The following EDNRA variants were observed in gnomAD, a reference collection of about 807,000 sequenced individuals.
EDNRA encodes the protein endothelin receptor type A, also known as endothelin-1 receptor.
In EDNRA, 11 loss-of-function variants were observed where a neutral mutation model predicts 41.4. That is an observed-to-expected ratio of 0.27 (90% CI 0.17 to 0.44). The LOEUF is 0.44. Among genes scored for constraint, EDNRA ranks in the 20% least tolerant of loss-of-function variants. The pLI, the probability that EDNRA is intolerant of heterozygous loss-of-function variation, is 1.00. For missense variants in EDNRA, 294 were observed against 531.0 expected, an observed-to-expected ratio of 0.55 and a Z score of 4.39; for synonymous variants, 172 against 183.0, an observed-to-expected ratio of 0.94 and a Z score of 0.49.
chr4:147,485,729 A>G lies in EDNRA; in HGVS notation c.48A>G (p.Gly16=). The G allele has an allele frequency of 6.2e-7, 1 of 1,613,874 alleles. No homozygotes were observed. Among genetic ancestry groups the G allele is most frequent in the Non-Finnish European group, 8.5e-7 (1 of 1,179,860 alleles). The change falls in exon 2 of 8, where the codon GGA becomes GGG. Residue 16 remains glycine, a synonymous_variant. Coordinates refer to ENST00000651419, the MANE Select transcript of EDNRA (RefSeq NM_001957.4). The stretch of plus-strand genomic sequence containing the variant: ...CATCCTTTTGGCTGGCACTGGTTGG[A>G]TGTGTAATCAGTGATAATCCTGAGA... ...LRASFWLALV[G]CVISDNPERY...
chr4:147,529,321 T>G (rs1730667242), intron 3 of EDNRA, among the ~76,000 whole-genome samples: 1 of 151,972 alleles, frequency 6.6e-6, no homozygotes, highest in African/African-American at 2.4e-5. Flanking sequence ...AGTCTAGAGT[T>G]AAAGGTGAGG....
At chr4:147,509,301 T>C (rs1024223287) in intron 2 of EDNRA, among the ~76,000 whole-genome samples, 11 of 152,226 alleles carry the variant, frequency 7.2e-5, no homozygotes, top group African/African-American at 2.2e-4. Context: ...ACGGTCGTGA[T>C]TCATGCGAAA....
rs80063832 is a variant in EDNRA at position 147,486,433 on chromosome 4, A to G, written c.420+332A>G. Among the ~76,000 whole-genome samples, 1,581 of 152,202 alleles carry G rather than the reference A, an allele frequency of 0.01. 26 individuals are homozygous for G. The highest frequency in any genetic ancestry group is 0.035 in the African/African-American group (1,468 of 41,516). ...GATCCCTGGATTTTTATGAAATGCAATTTCCAGAGTGAGAGCTACTAGGCC... is the reference window on the plus strand; with the variant it reads ...GATCCCTGGATTTTTATGAAATGCAGTTTCCAGAGTGAGAGCTACTAGGCC... On this transcript the variant is annotated intron_variant, in intron 2 of 7. Coordinates refer to ENST00000651419, the MANE Select transcript of EDNRA (RefSeq NM_001957.4). This position sits in a 1 kb window ranked among gnomAD's most constrained non-coding sequence, Gnocchi z 4.3.
intron 2 of EDNRA, chr4:147,488,926 G>A (rs1729039032): frequency 6.6e-6 from 1 of 152,076 alleles, no homozygotes; most frequent in Admixed American, 6.6e-5. Context: ...TGTATTGCAG[G>A]GCAAGGTAGC....
In EDNRA at chr4:147,519,344, A is replaced by G. The variant is rs1730231570; in HGVS notation, c.421-507A>G. ...ATTTCAGAGACAATATAATCTGCCAATTCCAGTAGTTGAAATTATTTGCTT... is the reference window on the plus strand; with the variant it reads ...ATTTCAGAGACAATATAATCTGCCAGTTCCAGTAGTTGAAATTATTTGCTT... On this transcript the variant is annotated intron_variant, in intron 2 of 7. Transcript: ENST00000651419. This position sits in a 1 kb window ranked among gnomAD's most constrained non-coding sequence, Gnocchi z 4.1. Among the ~76,000 whole-genome samples, 1 of 152,170 alleles carries G rather than the reference A, an allele frequency of 6.6e-6. No individual in the cohort carries two copies. Among genetic ancestry groups the G allele is most frequent in the Non-Finnish European group, 1.5e-5 (1 of 68,026 alleles).
intron 2 of EDNRA, among the ~76,000 whole-genome samples, chr4:147,514,929 A>G (rs1730060285): frequency 6.6e-6 from 1 of 152,200 alleles, no homozygotes; most frequent in African/African-American, 2.4e-5. Context: ...ATCACCTGAG[A>G]ACTTGCTAGA....
intron 2 of EDNRA, among the ~76,000 whole-genome samples, chr4:147,503,584 A>G (rs1323294212): frequency 5.3e-5 from 8 of 152,238 alleles, no homozygotes; most frequent in Admixed American, 3.9e-4. Flanking sequence ...ACCTCTTTCA[A>G]AAAAGTGATT....
intron 2 of EDNRA, chr4:147,493,718 A>G (rs1457935174): frequency 2.0e-5 from 3 of 152,222 alleles, no homozygotes; most frequent in African/African-American, 7.2e-5. Context: ...TGAATGTGTC[A>G]TTCAGCATTA....
Position 147,535,866 on chromosome 4 carries a change from T to C in EDNRA, c.748-11T>C. 6.2e-7 allele frequency: 1 copy of C among 1,605,976 alleles called. No individual in the cohort carries two copies. Among genetic ancestry groups the C allele is most frequent in the Non-Finnish European group, 8.5e-7 (1 of 1,177,474 alleles). ...TCCTCCTTTTCTCTTTTTTTTTTTT[T>C]CACTTTGAAGTTCTACCAAGATGTA... On this transcript the variant is annotated splice_polypyrimidine_tract_variant and intron_variant, in intron 4 of 7. Transcript: ENST00000651419.
chr4:147,511,312 G>T (rs138033659), intron 2 of EDNRA, among the ~76,000 whole-genome samples: 1 of 152,286 alleles, frequency 6.6e-6, no homozygotes, highest in Non-Finnish European at 1.5e-5. Flanking sequence ...GAGTAATTGT[G>T]AAGTTTTATT....
Position 147,539,910 on chromosome 4 carries a change from G to C in EDNRA, c.994G>C (p.Val332Leu). ...LHLSRILKKT[V>L]YNEMDKNRCE... ...TTTAAGCCGTATATTGAAGAAAACT[G>C]TGTATAACGAGATGGACAAGAACCG... Residue 332 changes from valine to leucine, a missense_variant, in exon 6 of 8, where the codon GTG becomes CTG. Physicochemically the swap from Val to Leu is conservative, Grantham distance 32. Coordinates refer to ENST00000651419, the MANE Select transcript of EDNRA (RefSeq NM_001957.4). The C allele has an allele frequency of 1.2e-6, 2 of 1,613,118 alleles. No individual in the cohort carries two copies. Among genetic ancestry groups the C allele is most frequent in the South Asian group, 2.2e-5 (2 of 90,788 alleles).
chr4:147,531,094 C>T (rs539332948), intron 3 of EDNRA, among the ~76,000 whole-genome samples: 1 of 152,060 alleles, frequency 6.6e-6, no homozygotes, highest in African/African-American at 2.4e-5. Context: ...CTTCCTTAGA[C>T]ATAACATTTA....
intron 7 of EDNRA, among the ~76,000 whole-genome samples, chr4:147,542,248 T>A (rs1731129948): frequency 6.6e-6 from 1 of 152,188 alleles, no homozygotes; most frequent in South Asian, 2.1e-4. Flanking sequence ...TCTCTTGCAC[T>A]TGGTAATAAA....
intron 2 of EDNRA, among the ~76,000 whole-genome samples, chr4:147,516,325 A>G (rs1425516165): frequency 6.6e-6 from 1 of 152,258 alleles, no homozygotes; most frequent in Non-Finnish European, 1.5e-5. Context: ...CTTAAATAGC[A>G]CAGTATTCTC....
intron 3 of EDNRA, among the ~76,000 whole-genome samples, chr4:147,525,595 CA>C (rs58331044): frequency 3.2e-3 from 420 of 132,232 alleles, no homozygotes; most frequent in Non-Finnish European, 4.1e-3. Context: ...TGTTTGGAGG[CA>C]AAAAAAAAAA....
chr4:147,503,819 C>G (rs1001033365), intron 2 of EDNRA, among the ~76,000 whole-genome samples: 1 of 151,996 alleles, frequency 6.6e-6, no homozygotes, highest in Non-Finnish European at 1.5e-5. Flanking sequence ...AATTTTTCTT[C>G]ATGTATGTTA....
intron 3 of EDNRA, among the ~76,000 whole-genome samples, chr4:147,521,085 C>T (rs557936579): frequency 1.3e-5 from 2 of 152,124 alleles, no homozygotes; most frequent in African/African-American, 4.8e-5. Flanking sequence ...AGGAAAACCC[C>T]ATCTCTACCA....
intron 3 of EDNRA, among the ~76,000 whole-genome samples, chr4:147,526,469 C>T (rs1386581244): frequency 6.6e-6 from 1 of 152,178 alleles, no homozygotes; most frequent in Non-Finnish European, 1.5e-5. Flanking sequence ...TCCATGTAGT[C>T]TCAGGGTCCT....
rs1465533417 is a variant in EDNRA, at chr4:147,544,936, A to AAAG, written c.*2319_*2321dup. The AAAG allele has an allele frequency of 1.3e-5, 2 of 152,680 alleles. No individual in the cohort carries two copies. Among genetic ancestry groups the AAAG allele is most frequent in the African/African-American group, 4.8e-5 (2 of 41,474 alleles). The allele number at this position is 152,680 out of a possible 1,614,324, so 9.5% of individuals were successfully genotyped here. On this transcript the variant is annotated 3_prime_UTR_variant, in exon 8 of 8. Coordinates refer to ENST00000651419, the MANE Select transcript of EDNRA (RefSeq NM_001957.4). ...GGCAGTGGCCCATAAGTGTAAAATA[A>AAAG]AAGTTTACAGAAACCTTGCAAGTGT...
Sources: gnomAD v4.1 joint callset for allele counts (sites outside exome capture counted in the v4.1 genomes callset) on GRCh38, gnomAD v4.1.1 for gene constraint, Gnocchi (gnomAD v3.1) non-coding constraint, MANE v1.5 for transcripts, NCBI Gene and HGNC (gene_info 2026-07-23, HGNC 2026-07-21) for gene names.